Variants in KLHL30 observed in about 807,000 individuals in gnomAD.
KLHL30 encodes kelch like family member 30, also known as kelch-like protein 30.
KLHL30 carries 55 observed loss-of-function variants against 55.0 expected under a neutral mutation model. The ratio of observed to expected loss-of-function variants is 1.00; its 90% CI spans 0.80 to 1.25. KLHL30 has a LOEUF of 1.25. Ranked by LOEUF, KLHL30 falls within the 50% of genes most tolerant of loss-of-function variation. The pLI is 0.00. For missense variants in KLHL30, 786 were observed against 811.6 expected, an observed-to-expected ratio of 0.97 and a Z score of 0.38; for synonymous variants, 356 against 372.6, an observed-to-expected ratio of 0.96 and a Z score of 0.51.
intron 3 of KLHL30, among the ~76,000 whole-genome samples, chr2:238,143,968 C>T (rs1692586571): frequency 6.6e-6 from 1 of 152,240 alleles, no homozygotes; most frequent in African/African-American, 2.4e-5. Context: ...GGGGACATCC[C>T]AAAGGCCTGT....
rs769977077 is a variant in KLHL30, at chr2:238,141,486, G to A, written c.732G>A (p.Glu244=). Residue 244 remains glutamate (E), a synonymous_variant, in exon 2 of 8, where the codon GAG becomes GAA. Coordinates refer to ENST00000409223, the MANE Select transcript of KLHL30 (RefSeq NM_198582.4). The part of the protein sequence containing the change: ...QLLASEPLIQ[E]SEACRAALSQ... ...TGGCCTCAGAGCCCCTGATCCAGGA[G>A]TCAGAGGCATGCCGGGCAGCCCTGT... The A allele has an allele frequency of 6.7e-7, 1 of 1,491,138 alleles. No homozygotes were observed. Among genetic ancestry groups the A allele is most frequent in the East Asian group, 2.5e-5 (1 of 40,682 alleles). The allele number at this position is 1,491,138 out of a possible 1,614,324, so 92.4% of individuals were successfully genotyped here.
Position 238,141,134 on chromosome 2 carries a change from A to G in KLHL30, c.380A>G (p.Gln127Arg). Residue 127 changes from glutamine (Q) to arginine (R), a missense_variant, in exon 2 of 8, where the codon CAG (glutamine) becomes CGG (arginine). By Grantham distance (43) the Gln-to-Arg change is conservative (BLOSUM62 1). Coordinates refer to ENST00000409223, the MANE Select transcript of KLHL30 (RefSeq NM_198582.4). ...SVQKVCGRYL[Q>R]QQLDAANCLG... ...CAGAAGGTCTGCGGCCGCTACCTGCAGCAGCAACTGGATGCCGCCAACTGC... is the reference window on the plus strand; with the variant it reads ...CAGAAGGTCTGCGGCCGCTACCTGCGGCAGCAACTGGATGCCGCCAACTGC... The G allele has an allele frequency of 6.2e-7, 1 of 1,611,530 alleles. No individual in the cohort carries two copies. Among genetic ancestry groups the G allele is most frequent in the Non-Finnish European group, 8.5e-7 (1 of 1,179,128 alleles).
Position 238,140,932 on chromosome 2 carries a change from G to T in KLHL30, c.178G>T (p.Ala60Ser). 3.1e-6 allele frequency: 5 copies of T among 1,611,310 alleles called. No individual in the cohort carries two copies. Among genetic ancestry groups the T allele is most frequent in the Non-Finnish European group, 4.2e-6 (5 of 1,178,760 alleles). ...LLALSSPYFH[A>S]MFAGDFAESF... ...GGCGCTCAGCAGCCCCTACTTCCAT[G>T]CCATGTTTGCGGGTGACTTCGCCGA... is the stretch of plus-strand genomic sequence containing the variant. The change falls in exon 2 of 8, where the codon GCC becomes TCC. Residue 60 changes from alanine (A) to serine (S), a missense_variant. By Grantham distance (99) the Ala-to-Ser change is moderately conservative. Coordinates refer to ENST00000409223, the MANE Select transcript of KLHL30 (RefSeq NM_198582.4).
chr2:238,150,969 C>A lies in KLHL30; in HGVS notation c.1641C>A (p.Gly547=), dbSNP rs61736173. The change falls in exon 8 of 8, where the codon GGC becomes GGA. Residue 547 remains glycine, a synonymous_variant. Coordinates refer to ENST00000409223, the MANE Select transcript of KLHL30 (RefSeq NM_198582.4). ...DTVRDTWTRH[G]ALPRLWLYHG... ...TTCGGGACACCTGGACCCGCCACGG[C>A]GCCCTGCCCCGGCTCTGGCTCTACC... The A allele has an allele frequency of 6.3e-7, 1 of 1,588,354 alleles. No homozygotes were observed. The highest frequency in any genetic ancestry group is 1.1e-5 in the South Asian group (1 of 87,196).
chr2:238,141,792 T>G (rs1692547078), intron 2 of KLHL30, among the ~76,000 whole-genome samples: 1 of 152,180 alleles, frequency 6.6e-6, no homozygotes, highest in African/African-American at 2.4e-5. Flanking sequence ...TGAAGGAGCC[T>G]GCAGCTCAGT....
chr2:238,139,526 A>C (rs1366776575), intron 1 of KLHL30, among the ~76,000 whole-genome samples: 2 of 152,092 alleles, frequency 1.3e-5, no homozygotes, highest in East Asian at 3.9e-4. Context: ...GTGGGCTCCC[A>C]GGTGCTTCCC....
rs1382468772 is a variant in KLHL30 at position 238,151,262 on chromosome 2, G to A, written c.*197G>A. On this transcript the variant is annotated 3_prime_UTR_variant, in exon 8 of 8. Coordinates refer to ENST00000409223, the MANE Select transcript of KLHL30 (RefSeq NM_198582.4). Reference sequence around the variant, plus strand: ...CTCTGTGGCCACCACACTAAACTCTGAGCTGAGCAGTGACAAGGGCCTGAG... The same window carrying A: ...CTCTGTGGCCACCACACTAAACTCTAAGCTGAGCAGTGACAAGGGCCTGAG... 2.1e-5 allele frequency: 15 copies of A among 701,834 alleles called. No individual in the cohort carries two copies. The highest frequency in any genetic ancestry group is 1.4e-4 in the African/African-American group (8 of 55,752). 43.5% of individuals were successfully genotyped at this position (701,834 alleles called of 1,614,324 possible). A position where few individuals can be genotyped will look rare whatever the true frequency, so the allele number is the denominator to read the frequency against.
intron 7 of KLHL30, 117 bp downstream of exon 7, chr2:238,149,269 G>A: frequency 1.4e-6 from 2 of 1,390,708 alleles, no homozygotes; most frequent in South Asian, 1.3e-5. Context: ...GAAGGGGACA[G>A]CGCAGGCTGG....
At chr2:238,144,600 G>A (rs1692614996) in intron 3 of KLHL30, among the ~76,000 whole-genome samples, 1 of 152,068 alleles carries the variant, frequency 6.6e-6, no homozygotes, top group Non-Finnish European at 1.5e-5. Flanking sequence ...GGGTCAGTGG[G>A]GTCAACTGCA....
Position 238,151,141 on chromosome 2 carries a change from C to T in KLHL30, c.*76C>T, listed in dbSNP as rs542052197. The T allele has an allele frequency of 2.2e-5, 33 of 1,498,520 alleles. No individual in the cohort carries two copies. The highest frequency in any genetic ancestry group is 5.2e-5 in the South Asian group (4 of 76,848). 92.8% of individuals were successfully genotyped at this position (1,498,520 alleles called of 1,614,324 possible). ...CCTGTGGAACGGCCCCTTTCATTTT[C>T]GCTTATTTGTTCACTCGGAGCTACC... On this transcript the variant is annotated 3_prime_UTR_variant, in exon 8 of 8. Transcript: ENST00000409223.
chr2:238,143,261 C>G (rs1480176746), intron 3 of KLHL30, among the ~76,000 whole-genome samples: 1 of 152,248 alleles, frequency 6.6e-6, no homozygotes, highest in African/African-American at 2.4e-5. Flanking sequence ...CCGCTGCCTC[C>G]TCCCCATGCT....
intron 2 of KLHL30, 130 bp from the exon 3 acceptor site, chr2:238,142,669 G>A (rs902595958): frequency 1.5e-5 from 14 of 912,438 alleles, no homozygotes; most frequent in Admixed American, 4.3e-5. Context: ...TTGTGCACTC[G>A]GGCACACGCC....
At chr2:238,143,400 C>T (rs956620068) in intron 3 of KLHL30, among the ~76,000 whole-genome samples, 5 of 152,234 alleles carry the variant, frequency 3.3e-5, no homozygotes, top group African/African-American at 9.6e-5. Flanking sequence ...GTTGTAATCC[C>T]GGACCTCAAA....
At chr2:238,149,685 G>C (rs1304248093) in intron 7 of KLHL30, among the ~76,000 whole-genome samples, 1 of 152,178 alleles carries the variant, frequency 6.6e-6, no homozygotes, top group African/African-American at 2.4e-5. Flanking sequence ...TCTGCCCCAG[G>C]GTGGCCAAGT....
chr2:238,151,080 C>G lies in KLHL30; in HGVS notation c.*15C>G, dbSNP rs1272878562. On this transcript the variant is annotated 3_prime_UTR_variant, in exon 8 of 8. Coordinates refer to ENST00000409223, the MANE Select transcript of KLHL30 (RefSeq NM_198582.4). ...AGGAGCACTAAACCAGGGCCAGGGT[C>G]CCCGGGGAGGAGTCCCCACAGCGGC... 6.4e-7 allele frequency: 1 copy of G among 1,573,878 alleles called. No homozygotes were observed. Among genetic ancestry groups the G allele is most frequent in the Non-Finnish European group, 8.6e-7 (1 of 1,158,864 alleles).
chr2:238,144,708 G>A (rs959092629), intron 3 of KLHL30, among the ~76,000 whole-genome samples, 194 bp from the exon 4 acceptor site: 1 of 152,100 alleles, frequency 6.6e-6, no homozygotes, highest in Non-Finnish European at 1.5e-5. Context: ...GTGGGTGGGG[G>A]AGACACAATG....
At chr2:238,148,974 G>C in intron 6 of KLHL30, 33 bp from the exon 7 acceptor site, 1 of 1,558,968 alleles carries the variant, frequency 6.4e-7, no homozygotes, top group Non-Finnish European at 8.7e-7. Flanking sequence ...TGGCAACCCT[G>C]GTGACGGTGG....
rs1692515009 is a variant in KLHL30, at chr2:238,140,723, G to A, written c.-32G>A. On this transcript the variant is annotated 5_prime_UTR_variant, in exon 2 of 8. The change creates a new upstream start codon in the 5' untranslated region. Transcript: ENST00000409223. ...TCCAGGCACTTCTTCCCTTGAGTGGGTGGACTACTGAGGTCCCCTGGGCAC... is the reference window on the plus strand; with the variant it reads ...TCCAGGCACTTCTTCCCTTGAGTGGATGGACTACTGAGGTCCCCTGGGCAC... 1 of 1,466,700 alleles carries A rather than the reference G, an allele frequency of 6.8e-7. No homozygotes were observed. The highest frequency in any genetic ancestry group is 1.4e-5 in the African/African-American group (1 of 70,808). The allele number at this position is 1,466,700 out of a possible 1,614,324, so 90.9% of individuals were successfully genotyped here.
Position 238,147,885 on chromosome 2 carries a change from G to C in KLHL30, c.1202G>C (p.Ser401Thr). The C allele has an allele frequency of 6.3e-7, 1 of 1,598,226 alleles. No individual in the cohort carries two copies. The highest frequency in any genetic ancestry group is 1.1e-5 in the South Asian group (1 of 88,844). Residue 401 changes from serine (S) to threonine (T), a missense_variant, in exon 6 of 8, where the codon AGC becomes ACC. Ser to Thr is a moderately conservative substitution (Grantham distance 58). Transcript: ENST00000409223. This position sits in a 1 kb window ranked among gnomAD's most constrained non-coding sequence, Gnocchi z 5.8. ...GAGAGCTATGACCCCTACACGGACAGCTGGACGCCCGTCAGCCCGGCCCTC... is the reference window on the plus strand; with the variant it reads ...GAGAGCTATGACCCCTACACGGACACCTGGACGCCCGTCAGCCCGGCCCTC... ...EVESYDPYTD[S>T]WTPVSPALKY...
Sources: gnomAD v4.1 joint callset for allele counts (sites outside exome capture counted in the v4.1 genomes callset) on GRCh38, gnomAD v4.1.1 for gene constraint, Gnocchi (gnomAD v3.1) non-coding constraint, MANE v1.5 for transcripts, NCBI Gene and HGNC (gene_info 2026-07-23, HGNC 2026-07-21) for gene names.